The following NOS1AP variants were observed in gnomAD, a reference collection of about 807,000 sequenced individuals.
NOS1AP encodes the protein carboxyl-terminal PDZ ligand of neuronal nitric oxide synthase protein.
NOS1AP carries 21 observed loss-of-function variants against 56.2 expected under a neutral mutation model. The observed-to-expected ratio is 0.37, with a 90% CI of 0.26 to 0.54. The LOEUF is 0.54. NOS1AP is among the 20% of genes least tolerant of loss of function. The pLI is 0.84. For synonymous variants in NOS1AP, 270 were observed against 274.6 expected (o/e 0.98, Z 0.17); for missense variants, 522 against 657.8 (o/e 0.79, Z 2.26).
chr1:162,369,840 A>G lies in NOS1AP; in HGVS notation c.*2373A>G, dbSNP rs929566551. 5 of 152,184 alleles carry G rather than the reference A, an allele frequency of 3.3e-5. No individual in the cohort carries two copies. The highest frequency in any genetic ancestry group is 1.2e-4 in the African/African-American group (5 of 41,402). 9.4% of individuals were successfully genotyped at this position (152,184 alleles called of 1,614,324 possible). On this transcript the variant is annotated 3_prime_UTR_variant, in exon 10 of 10. Coordinates refer to ENST00000361897, the MANE Select transcript of NOS1AP (RefSeq NM_014697.3). ...CGCATACTTGGTGTGTGGAGATGGG[A>G]GACAAAGGACAGATCTAGGAGCCTT...
chr1:162,187,601 T>TAA, intron 2 of NOS1AP, among the ~76,000 whole-genome samples: 1 of 152,218 alleles, frequency 6.6e-6, no homozygotes, highest in Non-Finnish European at 1.5e-5. Context: ...CCCTCCAGTA[T>TAA]TATACCCTCT....
At chr1:162,145,943 G>A (rs1441366109) in intron 1 of NOS1AP, among the ~76,000 whole-genome samples, 1 of 152,124 alleles carries the variant, frequency 6.6e-6, no homozygotes, top group Non-Finnish European at 1.5e-5. Flanking sequence ...GGAGCTTGAG[G>A]GAGACTGAGC....
chr1:162,268,213 C>T (rs554798706), intron 2 of NOS1AP, among the ~76,000 whole-genome samples: 1 of 149,648 alleles, frequency 6.7e-6, no homozygotes, highest in African/African-American at 2.5e-5. Context: ...AAGCCTAGAT[C>T]GTGTCATGCT....
At chr1:162,284,878 C>T (rs536665225) in intron 2 of NOS1AP, among the ~76,000 whole-genome samples, 3 of 152,086 alleles carry the variant, frequency 2.0e-5, no homozygotes, top group Admixed American at 1.3e-4. Flanking sequence ...GTGGACAAAG[C>T]AAGAAAGAGA....
intron 2 of NOS1AP, among the ~76,000 whole-genome samples, chr1:162,217,204 A>AT (rs1652600330): frequency 6.7e-6 from 1 of 150,096 alleles, no homozygotes; most frequent in Non-Finnish European, 1.5e-5. Flanking sequence ...CTGGGTCCAA[A>AT]TTGGTACTCT....
rs576455791 is a variant in NOS1AP at position 162,082,166 on chromosome 1, C to T, written c.105+11884C>T. Among the ~76,000 whole-genome samples, 7 of 145,054 alleles carry T rather than the reference C, an allele frequency of 4.8e-5. No homozygotes were observed. The South Asian group carries it at 1.6e-3, about 33-fold the overall frequency. ...ATGTGTTCTCATCATTTAGCTCCCACTTATAAGTGAGAACATGCAGTATTT... is the reference window on the plus strand; with the variant it reads ...ATGTGTTCTCATCATTTAGCTCCCATTTATAAGTGAGAACATGCAGTATTT... On this transcript the variant is annotated intron_variant, in intron 1 of 9. Transcript: ENST00000361897.
At chr1:162,268,165 G>A (rs149124374) in intron 2 of NOS1AP, among the ~76,000 whole-genome samples, 201 of 151,844 alleles carry the variant, frequency 1.3e-3, no homozygotes, top group Middle Eastern at 3.4e-3. Context: ...AGAGTGAGGC[G>A]TGAGAATTGC....
rs188319625 is a variant in NOS1AP, at chr1:162,127,118, T to A, written c.106-27287T>A. Among the ~76,000 whole-genome samples the A allele has an allele frequency of 9.8e-5, 15 of 152,310 alleles. No homozygotes were observed. In the East Asian group the frequency reaches 2.9e-3, roughly 29 times the overall value. ...TTATATCTTTTGCCATATTTTTTTT[T>A]AAATCAGGGTTTTGGTCTTCTCAAA... On this transcript the variant is annotated intron_variant, in intron 1 of 9. Coordinates refer to ENST00000361897, the MANE Select transcript of NOS1AP (RefSeq NM_014697.3).
chr1:162,210,325 C>T (rs575772234), intron 2 of NOS1AP, among the ~76,000 whole-genome samples: 13 of 152,292 alleles, frequency 8.5e-5, no homozygotes, highest in African/African-American at 3.1e-4. Flanking sequence ...CAGCCCACAG[C>T]TCTGCTTGCC....
intron 1 of NOS1AP, among the ~76,000 whole-genome samples, chr1:162,111,828 A>G (rs548392307): frequency 1.3e-5 from 2 of 152,176 alleles, no homozygotes; most frequent in East Asian, 1.9e-4. Flanking sequence ...TATTGCAGAA[A>G]TGAGTCAAGC....
At chr1:162,262,547 G>A (rs1279646783) in intron 2 of NOS1AP, among the ~76,000 whole-genome samples, 2 of 152,168 alleles carry the variant, frequency 1.3e-5, no homozygotes, top group Non-Finnish European at 2.9e-5. Context: ...TTTTGTTATA[G>A]CATGAAGAAA....
intron 6 of NOS1AP, 106 bp downstream of exon 6, chr1:162,344,082 AT>A: frequency 7.9e-7 from 1 of 1,269,694 alleles, no homozygotes; most frequent in Non-Finnish European, 1.1e-6. Context: ...TTTAAGAAAC[AT>A]TTTATTTTTT....
intron 2 of NOS1AP, among the ~76,000 whole-genome samples, chr1:162,215,300 C>T (rs1005089582): frequency 1.3e-5 from 2 of 152,240 alleles, no homozygotes; most frequent in African/African-American, 4.8e-5. Context: ...CCACAGCACT[C>T]GACTGCGGTC....
At position 162,211,564 on chromosome 1, in the gene NOS1AP, A is replaced by G. The variant is rs80137900; in HGVS notation, c.177+57088A>G. ...ACAATACAATCTATAGCACTTATTT[A>G]TTGATGTTTCTTTTTTCAACTTCAG... On this transcript the variant is annotated intron_variant, in intron 2 of 9. Coordinates refer to ENST00000361897, the MANE Select transcript of NOS1AP (RefSeq NM_014697.3). Among the ~76,000 whole-genome samples the G allele has an allele frequency of 2.8e-3, 423 of 152,214 alleles. 2 individuals are homozygous for G. Among genetic ancestry groups the G allele is most frequent in the African/African-American group, 9.8e-3 (406 of 41,542 alleles).
At chr1:162,085,021 A>G (rs1456297498) in intron 1 of NOS1AP, among the ~76,000 whole-genome samples, 1 of 151,902 alleles carries the variant, frequency 6.6e-6, no homozygotes, top group African/African-American at 2.4e-5. Flanking sequence ...AAAAATTTTT[A>G]TTGTCATACT....
intron 2 of NOS1AP, among the ~76,000 whole-genome samples, chr1:162,232,991 A>G (rs1386180551): frequency 6.6e-6 from 1 of 152,210 alleles, no homozygotes; most frequent in Admixed American, 6.5e-5. Flanking sequence ...ATTCAAATTT[A>G]CAGTCTGGCT....
intron 2 of NOS1AP, among the ~76,000 whole-genome samples, chr1:162,245,703 C>T (rs1017871067): frequency 6.6e-6 from 1 of 152,188 alleles, no homozygotes; most frequent in African/African-American, 2.4e-5. Flanking sequence ...ATCCTGTCAG[C>T]TAATCAAGTT....
At chr1:162,149,726 T>C (rs1427070909) in intron 1 of NOS1AP, among the ~76,000 whole-genome samples, 1 of 152,238 alleles carries the variant, frequency 6.6e-6, no homozygotes, top group East Asian at 1.9e-4. Flanking sequence ...TCTCTCTGGA[T>C]GACCCTAAGG....
rs186733612 is a variant in NOS1AP at position 162,330,407 on chromosome 1, C to T, written c.345-2610C>T. Among the ~76,000 whole-genome samples the T allele has an allele frequency of 8.5e-5, 13 of 152,286 alleles. No individual in the cohort carries two copies. In the East Asian group the frequency reaches 1.9e-3, roughly 23 times the overall value. On this transcript the variant is annotated intron_variant, in intron 4 of 9. Coordinates refer to ENST00000361897, the MANE Select transcript of NOS1AP (RefSeq NM_014697.3). ...TAGTGTGAGATATGTGCTGTGGCAA[C>T]GTTGAGCCCCAGGGTATTCAGCAAC...
Sources: allele counts gnomAD v4.1 joint callset (sites outside exome capture counted in the v4.1 genomes callset), GRCh38; gene constraint gnomAD v4.1.1; transcripts MANE v1.5; gene names NCBI Gene and HGNC (gene_info 2026-07-23, HGNC 2026-07-21).